NPAS3: variants seen among roughly 807,000 people sequenced by gnomAD.
NPAS3 encodes the protein neuronal PAS domain-containing protein 3.
A neutral mutation model predicts 73.1 loss-of-function variants in NPAS3; 14 were observed. The observed-to-expected ratio is 0.19, with a 90% CI of 0.13 to 0.30. The LOEUF (loss-of-function observed/expected upper bound fraction) is 0.30. Ranked by LOEUF, NPAS3 falls within the 10% of genes least tolerant of loss-of-function variation. The probability of loss-of-function intolerance (pLI) is 1.00; values close to 1 mark genes in which losing one functional copy is unlikely to be tolerated. For missense variants in NPAS3, 1,096 were observed against 1,250.0 expected, an observed-to-expected ratio of 0.88 and a Z score of 1.86; for synonymous variants, 620 against 541.5, an observed-to-expected ratio of 1.14 and a Z score of -2.01.
intron 3 of NPAS3, among the ~76,000 whole-genome samples, chr14:33,255,710 T>C (rs1440453563): frequency 6.6e-6 from 1 of 152,152 alleles, no homozygotes; most frequent in Non-Finnish European, 1.5e-5. Context: ...ATAGCCTTAG[T>C]CTTGGAAAAC....
chr14:33,010,437 A>G (rs888825370), intron 1 of NPAS3, among the ~76,000 whole-genome samples: 18 of 152,244 alleles, frequency 1.2e-4, no homozygotes, highest in Admixed American at 1.0e-3. Context: ...GAGCCAATCT[A>G]TGTAAGAAGG....
At chr14:33,136,134 C>G (rs920398719) in intron 2 of NPAS3, among the ~76,000 whole-genome samples, 11 of 146,822 alleles carry the variant, frequency 7.5e-5, no homozygotes, top group African/African-American at 2.5e-4. Flanking sequence ...GATCTTGGCT[C>G]ACTGCAACCT....
At chr14:33,774,408 C>A (rs1020789231) in exon 8 of NPAS3, 1 of 1,614,150 alleles carries the variant, frequency 6.2e-7, no homozygotes, top group Non-Finnish European at 8.5e-7. Flanking sequence ...CCAGCCAAAT[C>A]ATGGGTCTCG....
At chr14:33,612,541 A>C in intron 5 of NPAS3, 1 of 455,882 alleles carries the variant, frequency 2.2e-6, no homozygotes, top group Non-Finnish European at 4.4e-6. Context: ...CTCTGGCTTT[A>C]AAAGATATTA....
intron 6 of NPAS3, among the ~76,000 whole-genome samples, chr14:33,703,486 C>T (rs1451106279): frequency 2.0e-5 from 3 of 151,976 alleles, no homozygotes; most frequent in Non-Finnish European, 4.4e-5. Flanking sequence ...AGAGCAAGAC[C>T]CTGTCTCTTA....
chr14:33,009,923 C>G (rs934605072), intron 1 of NPAS3, among the ~76,000 whole-genome samples: 1 of 152,104 alleles, frequency 6.6e-6, no homozygotes, highest in African/African-American at 2.4e-5. Flanking sequence ...TTTCCTTCAC[C>G]ATAAAATAAA....
chr14:33,736,599 C>T (rs1037668471), intron 7 of NPAS3, among the ~76,000 whole-genome samples: 1 of 151,844 alleles, frequency 6.6e-6, no homozygotes. Context: ...ACTATGTAGC[C>T]TTAGCAAGTT....
At chr14:33,680,396 A>G (rs1023885831) in intron 6 of NPAS3, among the ~76,000 whole-genome samples, 1 of 152,184 alleles carries the variant, frequency 6.6e-6, no homozygotes, top group East Asian at 1.9e-4. Flanking sequence ...CATCCCAACT[A>G]TCTAGAAATA....
intron 1 of NPAS3, among the ~76,000 whole-genome samples, chr14:33,027,534 C>G (rs571870711): frequency 1.1e-3 from 168 of 152,300 alleles, no homozygotes; most frequent in African/African-American, 3.7e-3. Flanking sequence ...TTCTTTCCCT[C>G]TGTCTTGAAT....
intron 2 of NPAS3, among the ~76,000 whole-genome samples, chr14:33,157,874 C>A (rs1362041657): frequency 6.6e-6 from 1 of 152,086 alleles, no homozygotes; most frequent in Non-Finnish European, 1.5e-5. Flanking sequence ...GTCAATAGTC[C>A]TTCATGTGGT....
chr14:33,297,675 G>C (rs1217019516), intron 3 of NPAS3, among the ~76,000 whole-genome samples: 1 of 152,192 alleles, frequency 6.6e-6, no homozygotes, highest in Admixed American at 6.5e-5. Context: ...TGGTCCTGCT[G>C]TCAGGATCCC....
intron 6 of NPAS3, among the ~76,000 whole-genome samples, chr14:33,711,012 G>C (rs1483234636): frequency 6.6e-6 from 1 of 152,142 alleles, no homozygotes; most frequent in Admixed American, 6.5e-5. Context: ...TGCTTTAAAA[G>C]TTCTGCTGGG....
At chr14:33,588,350 G>T (rs2056942268) in intron 5 of NPAS3, among the ~76,000 whole-genome samples, 1 of 152,052 alleles carries the variant, frequency 6.6e-6, no homozygotes, top group Non-Finnish European at 1.5e-5. Context: ...ATATCCTTCG[G>T]CAGTCATATT....
chr14:33,276,282 T>C (rs1432082691), intron 3 of NPAS3, among the ~76,000 whole-genome samples: 2 of 152,132 alleles, frequency 1.3e-5, no homozygotes, highest in Non-Finnish European at 2.9e-5. Flanking sequence ...TGGGAATGAA[T>C]GCAGTTAACA....
chr14:33,613,497 C>T (rs894801162), intron 5 of NPAS3, among the ~76,000 whole-genome samples: 3 of 152,136 alleles, frequency 2.0e-5, no homozygotes, highest in African/African-American at 4.8e-5. Flanking sequence ...AATTTGCAAC[C>T]TCCTAACCAC....
At chr14:33,642,900 C>G (rs2058713649) in intron 5 of NPAS3, among the ~76,000 whole-genome samples, 1 of 152,046 alleles carries the variant, frequency 6.6e-6, no homozygotes, top group South Asian at 2.1e-4. Context: ...TTGTGGCTGC[C>G]AAATTTACTG....
chr14:33,101,622 A>T (rs1163250424), intron 2 of NPAS3, among the ~76,000 whole-genome samples: 1 of 152,100 alleles, frequency 6.6e-6, no homozygotes, highest in African/African-American at 2.4e-5. Flanking sequence ...GAGTCTGTTG[A>T]CCCTCTTAGT....
At chr14:33,693,179 T>C (rs1055285172) in intron 6 of NPAS3, among the ~76,000 whole-genome samples, 1 of 152,212 alleles carries the variant, frequency 6.6e-6, no homozygotes, top group Non-Finnish European at 1.5e-5. Context: ...ATCAATTTGT[T>C]GTTTTCGTTT....
chr14:33,017,585 T>C (rs140784754), intron 1 of NPAS3, among the ~76,000 whole-genome samples: 5 of 152,304 alleles, frequency 3.3e-5, no homozygotes, highest in Non-Finnish European at 7.4e-5. Context: ...CATTTATTCA[T>C]GTTTTACAAG....
Sources: gnomAD v4.1 joint callset for allele counts (sites outside exome capture counted in the v4.1 genomes callset) on GRCh38, gnomAD v4.1.1 for gene constraint, MANE v1.5 for transcripts, NCBI Gene and HGNC (gene_info 2026-07-23, HGNC 2026-07-21) for gene names.